NTRK3: variants seen among roughly 807,000 people sequenced by gnomAD.
NTRK3 encodes the protein NT-3 growth factor receptor.
In NTRK3, 24 loss-of-function variants were observed where a neutral mutation model predicts 91.7. The ratio of observed to expected loss-of-function variants is 0.26; its 90% CI spans 0.19 to 0.37. The LOEUF (loss-of-function observed/expected upper bound fraction) is 0.37. Ranked by LOEUF, NTRK3 falls within the 10% of genes least tolerant of loss-of-function variation. The pLI is 1.00. For synonymous variants in NTRK3, 483 were observed against 404.0 expected, an observed-to-expected ratio of 1.20 and a Z score of -2.34; for missense variants, 880 against 1,068.9, an observed-to-expected ratio of 0.82 and a Z score of 2.46.
At chr15:88,137,192 A>C (rs902167995) in intron 7 of NTRK3, among the ~76,000 whole-genome samples, 1 of 152,222 alleles carries the variant, frequency 6.6e-6, no homozygotes, top group Admixed American at 6.5e-5. Flanking sequence ...GAATTCCTGA[A>C]ACCAGTCTTC....
At chr15:87,901,235 A>T (rs367589815) in intron 17 of NTRK3, among the ~76,000 whole-genome samples, 15 of 152,256 alleles carry the variant, frequency 9.9e-5, no homozygotes, top group East Asian at 9.6e-4. Context: ...TCTGAGGATG[A>T]ACCTACAAGA....
chr15:88,166,003 C>A (rs1419829189), intron 5 of NTRK3, among the ~76,000 whole-genome samples: 3 of 152,242 alleles, frequency 2.0e-5, no homozygotes, highest in Non-Finnish European at 2.9e-5. Context: ...CCACCCACAT[C>A]ATAACTCAGC....
At chr15:87,927,913 C>T (rs1471741238) in intron 17 of NTRK3, 1 of 152,148 alleles carries the variant, frequency 6.6e-6, no homozygotes, top group South Asian at 2.1e-4. Context: ...TTGTCCCACA[C>T]TCTCCTTATA....
intron 14 of NTRK3, among the ~76,000 whole-genome samples, chr15:88,022,545 T>C (rs546015246): frequency 2.4e-4 from 36 of 152,304 alleles, no homozygotes; most frequent in African/African-American, 8.2e-4. Context: ...TTAATCCTCT[T>C]ACTCCTTGAA....
intron 3 of NTRK3, among the ~76,000 whole-genome samples, chr15:88,247,953 G>A (rs965110226): frequency 1.3e-5 from 2 of 152,148 alleles, no homozygotes; most frequent in African/African-American, 4.8e-5. Context: ...GCTGCCCAGC[G>A]CTTTAGACAC....
In NTRK3 at chr15:87,973,630, CA is replaced by C. The variant is rs200649304; in HGVS notation, c.1586-32878del. 1.5e-3 allele frequency among the ~76,000 whole-genome samples: 226 copies of C among 152,228 alleles called. 6 individuals carry two copies. Among genetic ancestry groups the C allele is most frequent in the Admixed American group, 0.013 (204 of 15,296 alleles). ...AAGCAGTTTCGCCCACATCAGCCAG[CA>C]TTAAAGATTGGCAATGTGGTGGGTG... On this transcript the variant is annotated intron_variant, in intron 14 of 18. Transcript: ENST00000394480.
chr15:87,872,152 C>T (rs1268199832), exon 19 of NTRK3: 2 of 220,188 alleles, frequency 9.1e-6, no homozygotes, highest in Admixed American at 1.2e-4. Context: ...ATCTCAGGGG[C>T]CTTTGGGACA....
At chr15:88,183,438 C>T in exon 5 of NTRK3, 6 of 1,614,086 alleles carry the variant, frequency 3.7e-6, no homozygotes, top group South Asian at 1.1e-5. Flanking sequence ...AATGGGGGTT[C>T]TTGGCAAAGG....
exon 5 of NTRK3, chr15:88,183,461 T>C: frequency 1.2e-6 from 2 of 1,614,122 alleles, no homozygotes; most frequent in Non-Finnish European, 1.7e-6. Context: ...CTGGGCTGAA[T>C]GCTCCGAAGT....
chr15:88,094,475 CAAAAAAAAAAAA>C (rs10610101), intron 13 of NTRK3, among the ~76,000 whole-genome samples: 6 of 30,328 alleles, frequency 2.0e-4, no homozygotes, highest in South Asian at 1.9e-3. Flanking sequence ...GACTCCGTCT[CAAAAAAAAAAAA>C]AAAAAAAAAA....
In NTRK3 at chr15:88,240,875, G is replaced by A. The variant is rs191747058; in HGVS notation, c.248+15031C>T. 7.9e-4 allele frequency among the ~76,000 whole-genome samples: 121 copies of A among 152,344 alleles called. 2 individuals are homozygous for A. In the East Asian group the frequency reaches 0.018, roughly 23 times the overall value. ...GGCTGCCCTGCTAAGGGCAAAGCCC[G>A]AGGCCCACAAAGGTGTGGAGAGCAA... On this transcript the variant is annotated intron_variant, in intron 3 of 18. Transcript: ENST00000394480. This position sits in a 1 kb window ranked among gnomAD's most constrained non-coding sequence, Gnocchi z 4.9.
At chr15:87,925,265 G>A (rs376647609) in intron 17 of NTRK3, among the ~76,000 whole-genome samples, 2 of 152,148 alleles carry the variant, frequency 1.3e-5, no homozygotes, top group African/African-American at 2.4e-5. Flanking sequence ...AAATTAGGCA[G>A]TTCACCTTTG....
exon 19 of NTRK3, chr15:87,862,340 A>G (rs767256513): frequency 1.8e-5 from 4 of 224,736 alleles, no homozygotes; most frequent in Non-Finnish European, 3.6e-5. Flanking sequence ...ATTTATTCCT[A>G]AAAGAAACCC....
intron 17 of NTRK3, among the ~76,000 whole-genome samples, chr15:87,915,152 A>T (rs1567102173): frequency 2.0e-5 from 3 of 152,200 alleles, no homozygotes; most frequent in Admixed American, 2.0e-4. Context: ...TCAAACCAAC[A>T]GTTTACAAAG....
At chr15:88,224,286 G>A (rs2050488218) in intron 3 of NTRK3, among the ~76,000 whole-genome samples, 1 of 151,342 alleles carries the variant, frequency 6.6e-6, no homozygotes, top group Non-Finnish European at 1.5e-5. Context: ...GAAAGGCAGA[G>A]ACTAGGACAG....
chr15:87,863,863 T>C (rs1004219638), exon 19 of NTRK3: 1 of 232,020 alleles, frequency 4.3e-6, no homozygotes, highest in Admixed American at 5.6e-5. Flanking sequence ...CCTTTCCTAA[T>C]TTTATTGTCA....
chr15:87,910,189 C>T (rs2067004204), intron 17 of NTRK3, among the ~76,000 whole-genome samples: 2 of 152,244 alleles, frequency 1.3e-5, no homozygotes, highest in South Asian at 2.1e-4. Flanking sequence ...ACACAAGGCT[C>T]CAAAAACACA....
chr15:88,205,247 G>A (rs1403577040), intron 3 of NTRK3, among the ~76,000 whole-genome samples: 1 of 152,108 alleles, frequency 6.6e-6, no homozygotes, highest in Non-Finnish European at 1.5e-5. Flanking sequence ...TGTCCGTGTG[G>A]GGTGAGAAAC....
At chr15:88,006,255 C>G (rs1296715702) in intron 14 of NTRK3, among the ~76,000 whole-genome samples, 1 of 152,200 alleles carries the variant, frequency 6.6e-6, no homozygotes, top group Non-Finnish European at 1.5e-5. Flanking sequence ...CTCTTCCACC[C>G]CCACCGTAAG....
Sources: gnomAD v4.1 joint callset for allele counts (sites outside exome capture counted in the v4.1 genomes callset) on GRCh38, gnomAD v4.1.1 for gene constraint, Gnocchi (gnomAD v3.1) non-coding constraint, MANE v1.5 for transcripts, NCBI Gene and HGNC (gene_info 2026-07-23, HGNC 2026-07-21) for gene names.